CAMTA1: variants seen among roughly 807,000 people sequenced by gnomAD.
CAMTA1 encodes calmodulin binding transcription activator 1.
A neutral mutation model predicts 170.9 loss-of-function variants in CAMTA1; 27 were observed. The ratio of observed to expected loss-of-function variants is 0.16; its 90% CI spans 0.12 to 0.22. The LOEUF (loss-of-function observed/expected upper bound fraction) is 0.22, where lower values mean the gene tolerates loss of function less well. CAMTA1 is among the 10% of genes least tolerant of loss of function. The pLI is 1.00. For synonymous variants in CAMTA1, 833 were observed against 891.5 expected, an observed-to-expected ratio of 0.93 and a Z score of 1.17; for missense variants, 1,619 against 2,217.2, an observed-to-expected ratio of 0.73 and a Z score of 5.42.
Position 6,820,343 on chromosome 1 carries a change from C to T in CAMTA1, c.115+93C>T, listed in dbSNP as rs145092046. 203 of 1,317,870 alleles carry T rather than the reference C, an allele frequency of 1.5e-4. No individual in the cohort carries two copies. In the African/African-American group the frequency reaches 1.6e-3, roughly 10 times the overall value. The allele number at this position is 1,317,870 out of a possible 1,614,324, so 81.6% of individuals were successfully genotyped here. ...AGTACAGTGGAAACAGCCTTCAGCCCGGACTCAGAAGACCTGGGTTCTGCA... is the reference window on the plus strand; with the variant it reads ...AGTACAGTGGAAACAGCCTTCAGCCTGGACTCAGAAGACCTGGGTTCTGCA... On this transcript the variant is annotated intron_variant, in intron 2 of 22. Transcript: ENST00000303635.
At chr1:6,997,218 A>G (rs2100553050) in intron 3 of CAMTA1, among the ~76,000 whole-genome samples, 1 of 152,282 alleles carries the variant, frequency 6.6e-6, no homozygotes, top group South Asian at 2.1e-4. Flanking sequence ...CCGTGTATTT[A>G]TTAGTTAAAC....
chr1:6,850,455 GA>G (rs1377246612), intron 3 of CAMTA1, among the ~76,000 whole-genome samples: 5 of 152,160 alleles, frequency 3.3e-5, no homozygotes, highest in Admixed American at 6.5e-5. Context: ...AAAATGACAG[GA>G]ATTACAGAAG....
At chr1:7,200,352 G>A (rs965523248) in intron 4 of CAMTA1, among the ~76,000 whole-genome samples, 2 of 152,120 alleles carry the variant, frequency 1.3e-5, no homozygotes, top group Non-Finnish European at 2.9e-5. Flanking sequence ...ATCAAAGTCA[G>A]GAAATTAACA....
intron 3 of CAMTA1, among the ~76,000 whole-genome samples, chr1:6,830,419 C>G (rs1246457359): frequency 6.6e-6 from 1 of 150,882 alleles, no homozygotes; most frequent in Non-Finnish European, 1.5e-5. Flanking sequence ...TCTCAGCTCA[C>G]TGCAACCTCC....
At chr1:7,116,978 T>C (rs1481559610) in intron 4 of CAMTA1, among the ~76,000 whole-genome samples, 3 of 143,108 alleles carry the variant, frequency 2.1e-5, no homozygotes, top group African/African-American at 8.1e-5. Context: ...AAATAACTAC[T>C]TTTTTTTTTG....
chr1:7,087,811 C>G (rs1640944864), intron 3 of CAMTA1, among the ~76,000 whole-genome samples: 2 of 152,220 alleles, frequency 1.3e-5, no homozygotes, highest in African/African-American at 2.4e-5. Flanking sequence ...TTGATGGAAG[C>G]AATGACACAG....
chr1:7,556,470 C>T (rs898664517), intron 6 of CAMTA1, among the ~76,000 whole-genome samples: 1 of 152,202 alleles, frequency 6.6e-6, no homozygotes, highest in Non-Finnish European at 1.5e-5. Flanking sequence ...TGAGCATGCT[C>T]TCACCCTTGC....
intron 5 of CAMTA1, among the ~76,000 whole-genome samples, chr1:7,349,306 C>T (rs981059257): frequency 1.3e-5 from 2 of 152,194 alleles, no homozygotes; most frequent in African/African-American, 4.8e-5. Context: ...GGGCACCGTC[C>T]TGCCACTGTT....
At chr1:6,834,810 T>G (rs1052342413) in intron 3 of CAMTA1, among the ~76,000 whole-genome samples, 1 of 152,052 alleles carries the variant, frequency 6.6e-6, no homozygotes, top group Non-Finnish European at 1.5e-5. Flanking sequence ...AATTTATACA[T>G]TGTTTTTGGA....
At position 7,665,329 on chromosome 1, in the gene CAMTA1, C is replaced by A; in HGVS notation, c.2652+130C>A. On this transcript the variant is annotated intron_variant, in intron 9 of 22. Transcript: ENST00000303635. The surrounding 1 kb of genome is among the most constrained non-coding windows in gnomAD (Gnocchi z 4.3). ...GAAGCTCTGGACCACAAAGATGATG[C>A]TTTCCCCTCCTTGTGTCCCCACGGC... 1.5e-6 allele frequency: 1 copy of A among 665,418 alleles called. No homozygotes were observed. Among genetic ancestry groups the A allele is most frequent in the Non-Finnish European group, 2.2e-6 (1 of 453,050 alleles). 41.2% of individuals were successfully genotyped at this position (665,418 alleles called of 1,614,324 possible).
intron 4 of CAMTA1, among the ~76,000 whole-genome samples, chr1:7,169,095 G>T: frequency 6.6e-6 from 1 of 152,190 alleles, no homozygotes. Context: ...ATGAATTATA[G>T]TTATTTTCTA....
chr1:7,273,992 A>G (rs1032115174), intron 5 of CAMTA1, among the ~76,000 whole-genome samples: 7 of 152,214 alleles, frequency 4.6e-5, no homozygotes, highest in Non-Finnish European at 1.0e-4. Flanking sequence ...GAATAAGCCA[A>G]TAGTGGATAT....
At chr1:6,858,442 T>TG (rs1663248143) in intron 3 of CAMTA1, among the ~76,000 whole-genome samples, 1 of 113,720 alleles carries the variant, frequency 8.8e-6, no homozygotes, top group Non-Finnish European at 1.7e-5. Context: ...AAGTGGTGTG[T>TG]GTGGTGGTGG....
At chr1:7,209,538 C>A (rs1401283544) in intron 4 of CAMTA1, among the ~76,000 whole-genome samples, 2 of 152,244 alleles carry the variant, frequency 1.3e-5, no homozygotes, top group African/African-American at 4.8e-5. Flanking sequence ...TTGGCACTCT[C>A]TTTGAGAGAA....
At chr1:7,525,290 C>A (rs2094418405) in intron 6 of CAMTA1, among the ~76,000 whole-genome samples, 1 of 151,594 alleles carries the variant, frequency 6.6e-6, no homozygotes, top group Non-Finnish European at 1.5e-5. Context: ...CACCCCCCTA[C>A]ACACACATAC....
chr1:7,118,370 G>T (rs562030397), intron 4 of CAMTA1, among the ~76,000 whole-genome samples: 1 of 144,830 alleles, frequency 6.9e-6, no homozygotes, highest in South Asian at 2.2e-4. Flanking sequence ...TTGGCTCACT[G>T]CAACCTCGAT....
chr1:7,555,153 C>G (rs376364126), intron 6 of CAMTA1, among the ~76,000 whole-genome samples: 2 of 152,136 alleles, frequency 1.3e-5, no homozygotes, highest in South Asian at 4.2e-4. Flanking sequence ...TTCTGGGAGC[C>G]GGATTGGCCT....
At chr1:7,491,640 C>T (rs1000445305) in intron 6 of CAMTA1, among the ~76,000 whole-genome samples, 7 of 151,880 alleles carry the variant, frequency 4.6e-5, no homozygotes, top group Non-Finnish European at 1.0e-4. Context: ...AGTGTTGATC[C>T]GTTGCCCAGG....
At position 6,877,808 on chromosome 1, in the gene CAMTA1, A is replaced by C. The variant is rs146640515; in HGVS notation, c.234+52598A>C. Among the ~76,000 whole-genome samples the C allele has an allele frequency of 5.4e-4, 83 of 152,328 alleles. No homozygotes were observed. In the East Asian group the frequency reaches 0.015, roughly 27 times the overall value. On this transcript the variant is annotated intron_variant, in intron 3 of 22. Transcript: ENST00000303635. ...AAGCCTTTCGTATTTCCAAAGGAGAAACCAGAATGACTTTTGTCACTCTTT... is the reference window on the plus strand; with the variant it reads ...AAGCCTTTCGTATTTCCAAAGGAGACACCAGAATGACTTTTGTCACTCTTT...
Sources: gnomAD v4.1 joint callset for allele counts (sites outside exome capture counted in the v4.1 genomes callset) on GRCh38, gnomAD v4.1.1 for gene constraint, Gnocchi (gnomAD v3.1) non-coding constraint, MANE v1.5 for transcripts, NCBI Gene and HGNC (gene_info 2026-07-23, HGNC 2026-07-21) for gene names.